The following EFCAB6 variants were observed in gnomAD, a reference collection of about 807,000 sequenced individuals.
EFCAB6 encodes the protein EF-hand calcium-binding domain-containing protein 6.
Under a neutral mutation model 169.8 loss-of-function variants are expected in EFCAB6, and 156 were observed. The observed-to-expected ratio is 0.92, with a 90% CI of 0.81 to 1.05. The LOEUF (loss-of-function observed/expected upper bound fraction) is 1.05. EFCAB6 is among the 50% of genes least tolerant of loss of function. The pLI, the probability that EFCAB6 is intolerant of heterozygous loss-of-function variation, is 0.00. For synonymous variants in EFCAB6, 698 were observed against 676.4 expected (o/e 1.03, Z -0.50); for missense variants, 1,800 against 1,829.1 (o/e 0.98, Z 0.29).
At chr22:43,724,754 CT>C (rs1188148870) in intron 8 of EFCAB6, among the ~76,000 whole-genome samples, 2 of 152,206 alleles carry the variant, frequency 1.3e-5, no homozygotes, top group Non-Finnish European at 2.9e-5. Flanking sequence ...GTCTTCACTT[CT>C]TCTAAGCCCT....
intron 26 of EFCAB6, among the ~76,000 whole-genome samples, chr22:43,557,023 C>T (rs2048748431): frequency 6.6e-6 from 1 of 152,186 alleles, no homozygotes; most frequent in Non-Finnish European, 1.5e-5. Context: ...ACCTCTCAGT[C>T]CATCCTTACG....
intron 17 of EFCAB6, among the ~76,000 whole-genome samples, chr22:43,657,549 T>A (rs2056810157): frequency 6.6e-6 from 1 of 152,088 alleles, no homozygotes; most frequent in Non-Finnish European, 1.5e-5. Context: ...GAAATGATAT[T>A]GAAAAGATAG....
chr22:43,784,543 G>GTGTATATGTATATATACACATA (rs1556409964), intron 2 of EFCAB6, among the ~76,000 whole-genome samples: 4 of 75,484 alleles, frequency 5.3e-5, no homozygotes, highest in African/African-American at 1.9e-4. Flanking sequence ...GTGTGTGTGT[G>GTGTATATGTATATATACACATA]TATATGTATA....
intron 18 of EFCAB6, among the ~76,000 whole-genome samples, chr22:43,632,493 T>C (rs916131224): frequency 4.6e-5 from 7 of 151,942 alleles, no homozygotes; most frequent in African/African-American, 1.7e-4. Flanking sequence ...ACAGACAGGG[T>C]TTCATCATGT....
intron 23 of EFCAB6, among the ~76,000 whole-genome samples, chr22:43,597,357 T>C (rs1178902064): frequency 6.6e-6 from 1 of 152,174 alleles, no homozygotes; most frequent in East Asian, 1.9e-4. Flanking sequence ...TGACAAGGGA[T>C]TAATAACCAG....
intron 11 of EFCAB6, among the ~76,000 whole-genome samples, chr22:43,684,664 G>A: frequency 6.6e-6 from 1 of 152,200 alleles, no homozygotes; most frequent in East Asian, 1.9e-4. Context: ...CGTTTGTGCA[G>A]AAACAATAAG....
At chr22:43,664,962 G>C (rs2057178374) in intron 17 of EFCAB6, among the ~76,000 whole-genome samples, 1 of 152,180 alleles carries the variant, frequency 6.6e-6, no homozygotes, top group Admixed American at 6.5e-5. Context: ...GGGGGGAGCA[G>C]TGGAGTGGGG....
intron 17 of EFCAB6, among the ~76,000 whole-genome samples, chr22:43,657,455 C>T (rs2056805999): frequency 6.7e-6 from 1 of 150,168 alleles, no homozygotes; most frequent in African/African-American, 2.5e-5. Flanking sequence ...AAAATCCCAA[C>T]TGTTTTGGAA....
intron 4 of EFCAB6, among the ~76,000 whole-genome samples, chr22:43,767,904 G>A (rs925155040): frequency 6.6e-6 from 1 of 152,186 alleles, no homozygotes; most frequent in Non-Finnish European, 1.5e-5. Flanking sequence ...TTGCCTTTTG[G>A]TGTTTACAAT....
At chr22:43,725,722 C>A (rs1231348187) in intron 8 of EFCAB6, among the ~76,000 whole-genome samples, 2 of 152,164 alleles carry the variant, frequency 1.3e-5, no homozygotes, top group Non-Finnish European at 2.9e-5. Flanking sequence ...AGCAATTCAG[C>A]CTTTCCTACT....
chr22:43,580,702 C>T lies in EFCAB6; in HGVS notation c.3033-43G>A, dbSNP rs983152995. 1.0e-5 allele frequency: 16 copies of T among 1,598,254 alleles called. No individual in the cohort carries two copies. The African/African-American group carries it at 1.2e-4, about 12-fold the overall frequency. On this transcript the variant is annotated intron_variant, in intron 24 of 31. Coordinates refer to ENST00000262726, the MANE Select transcript of EFCAB6 (RefSeq NM_022785.4). The stretch of plus-strand genomic sequence containing the variant: ...AAAAGAACATATTCATTTTAAAAAG[C>T]CACCCTACTGCTTATTCATTCAACA...
intron 23 of EFCAB6, among the ~76,000 whole-genome samples, chr22:43,590,906 G>A (rs1011651787): frequency 1.3e-5 from 2 of 152,170 alleles, no homozygotes; most frequent in South Asian, 2.1e-4. Flanking sequence ...GGCAGTGAGC[G>A]AAGAGTGTGG....
At chr22:43,677,227 C>G (rs762728008) in intron 13 of EFCAB6, among the ~76,000 whole-genome samples, 1 of 152,056 alleles carries the variant, frequency 6.6e-6, no homozygotes, top group Non-Finnish European at 1.5e-5. Context: ...GAAGCAAATG[C>G]TAAAGGCAAA....
intron 7 of EFCAB6, among the ~76,000 whole-genome samples, chr22:43,733,435 G>T (rs533282595): frequency 1.3e-5 from 2 of 152,316 alleles, no homozygotes; most frequent in African/African-American, 4.8e-5. Context: ...GCTGGAGGGA[G>T]ATGGGAAACA....
intron 17 of EFCAB6, among the ~76,000 whole-genome samples, chr22:43,641,290 T>C (rs1434305222): frequency 6.6e-6 from 1 of 152,192 alleles, no homozygotes; most frequent in Admixed American, 6.5e-5. Context: ...CAAGTGGTCA[T>C]TCAGCTATGG....
intron 20 of EFCAB6, among the ~76,000 whole-genome samples, chr22:43,621,185 T>C (rs1569262903): frequency 6.6e-6 from 1 of 151,182 alleles, no homozygotes; most frequent in Non-Finnish European, 1.5e-5. Context: ...ACCTCCCAGG[T>C]TCAAGCAATT....
At chr22:43,531,066 CTTCACCTCCCAACCTGCTCCGCT>C in intron 30 of EFCAB6, 102 bp from the exon 31 acceptor site, 1 of 1,486,234 alleles carries the variant, frequency 6.7e-7, no homozygotes, top group East Asian at 2.3e-5. Context: ...CCTGCTCCGG[CTTCACCTCCCAACCTGCTCCGCT>C]GGCTCTGAAT....
chr22:43,663,114 C>T (rs2057083373), intron 17 of EFCAB6, among the ~76,000 whole-genome samples: 1 of 152,186 alleles, frequency 6.6e-6, no homozygotes, highest in Non-Finnish European at 1.5e-5. Context: ...GGGGCTCAGT[C>T]CATGGTAGGT....
intron 17 of EFCAB6, among the ~76,000 whole-genome samples, chr22:43,655,309 T>C (rs2092120473): frequency 6.6e-6 from 1 of 151,762 alleles, no homozygotes; most frequent in African/African-American, 2.4e-5. Context: ...AAAACAACTA[T>C]CACACAAAAG....
Sources: allele counts gnomAD v4.1 joint callset (sites outside exome capture counted in the v4.1 genomes callset), GRCh38; gene constraint gnomAD v4.1.1; transcripts MANE v1.5; gene names NCBI Gene and HGNC (gene_info 2026-07-23, HGNC 2026-07-21).